Variants in CDHR4 observed in about 807,000 individuals in gnomAD.
The protein encoded by CDHR4 is cadherin related family member 4.
Under a neutral mutation model 88.4 loss-of-function variants are expected in CDHR4, and 89 were observed. The observed-to-expected ratio is 1.01, with a 90% confidence interval of 0.85 to 1.20. The LOEUF is 1.20. CDHR4 is among the 50% of genes most tolerant of loss of function. The probability of loss-of-function intolerance (pLI) is 0.00; values close to 1 mark genes in which losing one functional copy is unlikely to be tolerated. For missense variants in CDHR4, 914 were observed against 1,007.2 expected (o/e 0.91, Z 1.25); for synonymous variants, 368 against 399.2 (o/e 0.92, Z 0.93).
In CDHR4 at chr3:49,793,870, G is replaced by T. The variant is rs2081223283; in HGVS notation, c.1416C>A (p.Tyr472Ter). The change falls in exon 11 of 19, where the codon TAC becomes TAA. Residue 472 changes from tyrosine to a stop codon, truncating the protein, a stop_gained. Coordinates refer to ENST00000412678, the MANE Select transcript of CDHR4 (RefSeq NM_001007540.4). LOFTEE classifies it high-confidence loss of function. ...TGTAGTACTCAATGTTGTCATGAGG[G>T]TAATCCATATCCGTGCCCACCACGG... ...LGSVVGTDMD[Y>*]PHDNIEYYTS... The T allele has an allele frequency of 7.1e-6, 11 of 1,551,766 alleles. No homozygotes were observed. In the East Asian group the frequency reaches 2.0e-4, roughly 28 times the overall value.
rs932849375 is a variant in CDHR4, at chr3:49,792,936, T to TG, written c.1912dup (p.His638ProfsTer100). 9.7e-6 allele frequency: 15 copies of TG among 1,551,124 alleles called. No individual in the cohort carries two copies. The East Asian group carries it at 3.4e-4, about 35-fold the overall frequency. On this transcript the variant is annotated frameshift_variant, in exon 14 of 19. Coordinates refer to ENST00000412678, the MANE Select transcript of CDHR4 (RefSeq NM_001007540.4). LOFTEE classifies it high-confidence loss of function. ...AATAATGGTGGCTGTGGTGCTGAGG[T>TG]GGGGGGTGGAGGGGCCTGCATCGGC...
rs1356653792 is a variant in CDHR4 at position 49,791,736 on chromosome 3, G to C, written c.2261C>G (p.Ala754Gly). 1 of 1,551,672 alleles carries C rather than the reference G, an allele frequency of 6.4e-7. No individual in the cohort carries two copies. ...TACCAGACTCATGACACTGCTGGGTGCCTGGGACATCTCCATCTTCGGTGC... is the reference window on the plus strand; with the variant it reads ...TACCAGACTCATGACACTGCTGGGTCCCTGGGACATCTCCATCTTCGGTGC... ...LEAPKMEMSQ[A>G]PSSVMSLHFD... Residue 754 changes from alanine (A) to glycine (G), a missense_variant, in exon 17 of 19, where the codon GCA becomes GGA. Ala to Gly is a moderately conservative substitution (Grantham distance 60). Coordinates refer to ENST00000412678, the MANE Select transcript of CDHR4 (RefSeq NM_001007540.4).
Position 49,793,606 on chromosome 3 carries a change from A to T in CDHR4, c.1600T>A (p.Cys534Ser), listed in dbSNP as rs2108278699. The T allele has an allele frequency of 6.4e-7, 1 of 1,551,772 alleles. No homozygotes were observed. The highest frequency in any genetic ancestry group is 2.0e-5 in the Admixed American group (1 of 51,010). ...ACCTCAACCTCGATGGTAATGGTAC[A>T]GGAGCCTGAGAGGTGATGGTTGGGG... ...QNPNHHLSGS[C>S]TITIEVEDVN... The change falls in exon 12 of 19, where the codon TGT becomes AGT. Residue 534 changes from cysteine to serine, a missense_variant. By Grantham distance (112) the Cys-to-Ser change is moderately radical. Transcript: ENST00000412678.
Position 49,795,353 on chromosome 3 carries a change from G to C in CDHR4, c.874C>G (p.Pro292Ala). 1 of 1,551,194 alleles carries C rather than the reference G, an allele frequency of 6.4e-7. No individual in the cohort carries two copies. Among genetic ancestry groups the C allele is most frequent in the Non-Finnish European group, 8.7e-7 (1 of 1,146,926 alleles). ...RADGVVRTTT[P>A]LELARTSGTA... ...CCTGAGGTGCGAGCTAACTCTAGGG[G>C]CGTGGTGGTCCGGACCACACCGTCT... The change falls in exon 8 of 19, where the codon CCC becomes GCC. Residue 292 changes from proline to alanine, a missense_variant. Physicochemically the swap from Pro to Ala is conservative, Grantham distance 27. Coordinates refer to ENST00000412678, the MANE Select transcript of CDHR4 (RefSeq NM_001007540.4). The surrounding 1 kb of genome is among the most constrained non-coding windows in gnomAD (Gnocchi z 5.4).
At chr3:49,796,444 C>T (rs1006462326) in intron 5 of CDHR4, among the ~76,000 whole-genome samples, 27 of 152,132 alleles carry the variant, frequency 1.8e-4, no homozygotes, top group African/African-American at 6.3e-4. Flanking sequence ...TCAAGCAATT[C>T]TCCTGCCTCA....
intron 5 of CDHR4, among the ~76,000 whole-genome samples, chr3:49,796,678 A>G (rs1319024845): frequency 1.3e-5 from 2 of 152,022 alleles, no homozygotes; most frequent in Non-Finnish European, 2.9e-5. Context: ...TGCCCTAAAC[A>G]CTTTTCTTTC....
intron 5 of CDHR4, 75 bp from the exon 6 acceptor site, chr3:49,796,121 TA>T (rs2081268297): frequency 3.9e-6 from 4 of 1,032,340 alleles, no homozygotes; most frequent in South Asian, 1.8e-5. Flanking sequence ...GTCCTCCCCT[TA>T]AATAGGCAAC....
rs528608981 is a variant in CDHR4, at chr3:49,796,985, G to A, written c.543C>T (p.Phe181=). The A allele has an allele frequency of 1.8e-4, 284 of 1,551,738 alleles. 4 individuals carry two copies. The South Asian group carries it at 3.2e-3, about 18-fold the overall frequency. Residue 181 remains phenylalanine, a synonymous_variant, in exon 5 of 19, where the codon TTC becomes TTT. Transcript: ENST00000412678. ...GCAGCCAACCTTGCTCATTGATGGAGAAAGGTCCAGGGAAGTGTGGCAGGT... is the reference window on the plus strand; with the variant it reads ...GCAGCCAACCTTGCTCATTGATGGAAAAAGGTCCAGGGAAGTGTGGCAGGT... ...AQDLPHFPGP[F]SINEQGWLQA... is the part of the protein sequence containing the mutation.
chr3:49,792,913 TA>T lies in CDHR4; in HGVS notation c.1935del (p.Ile646LeufsTer4). The T allele has an allele frequency of 1.3e-6, 2 of 1,551,392 alleles. No individual in the cohort carries two copies. The highest frequency in any genetic ancestry group is 1.7e-6 in the Non-Finnish European group (2 of 1,146,854). On this transcript the variant is annotated frameshift_variant, in exon 14 of 19. Transcript: ENST00000412678. LOFTEE classifies it high-confidence loss of function. ...GCCCTCCGGGGAACTAGATGCACAA[TA>T]ATGGTGGCTGTGGTGCTGAGGTGGG... is the stretch of plus-strand genomic sequence containing the variant. Reference protein sequence around the residue: ...STPHLSTTATIIVHLVPRRAS... With the variant: ...STPHLSTTATXIVHLVPRRAS...
intron 5 of CDHR4, 139 bp from the exon 6 acceptor site, chr3:49,796,185 C>G (rs1478970931): frequency 3.4e-6 from 2 of 592,164 alleles, no homozygotes; most frequent in Non-Finnish European, 5.8e-6. Context: ...CCCATGATCC[C>G]CATGACCTGT....
At chr3:49,802,781 C>G (rs1052603694), upstream of CDHR4, among the ~76,000 whole-genome samples, 1 of 152,250 alleles carries the variant, frequency 6.6e-6, no homozygotes, top group African/African-American at 2.4e-5. Context: ...GCTGAGGCCC[C>G]GCCGGTGCGC....
intron 14 of CDHR4, 113 bp from the exon 15 acceptor site, chr3:49,792,723 C>T: frequency 6.8e-7 from 1 of 1,475,960 alleles, no homozygotes; most frequent in Non-Finnish European, 9.1e-7. Flanking sequence ...CTCTTCAACA[C>T]TGCTGGGCTC....
intron 15 of CDHR4, 50 bp from the exon 16 acceptor site, chr3:49,792,009 G>A (rs2081187060): frequency 6.5e-7 from 1 of 1,528,126 alleles, no homozygotes; most frequent in Admixed American, 2.0e-5. Context: ...AGGCCTACTG[G>A]CTCCAGGAAT....
At chr3:49,794,051 C>T (rs1328984791) in intron 10 of CDHR4, 45 bp from the exon 11 acceptor site, 3 of 1,534,200 alleles carry the variant, frequency 2.0e-6, no homozygotes, top group Non-Finnish European at 2.6e-6. Flanking sequence ...GGGTAACTAT[C>T]CCTGAACTGG....
At chr3:49,797,291 T>C (rs2081286510) in intron 4 of CDHR4, among the ~76,000 whole-genome samples, 1 of 151,764 alleles carries the variant, frequency 6.6e-6, no homozygotes, top group South Asian at 2.1e-4. Flanking sequence ...CTTCTTTCTT[T>C]TTTTTGAGAC....
chr3:49,795,930 A>T lies in CDHR4; in HGVS notation c.710+13T>A. On this transcript the variant is annotated intron_variant, in intron 6 of 18. Coordinates refer to ENST00000412678, the MANE Select transcript of CDHR4 (RefSeq NM_001007540.4). The surrounding 1 kb of genome is among the most constrained non-coding windows in gnomAD (Gnocchi z 5.4). ...CCTTCCTCCCTCACTGTTCCAGGGT[A>T]GGGGAGCCTTACAGGAAGGAGACCT... The T allele has an allele frequency of 1.3e-6, 2 of 1,530,062 alleles. No individual in the cohort carries two copies. Among genetic ancestry groups the T allele is most frequent in the Non-Finnish European group, 1.8e-6 (2 of 1,136,648 alleles). The allele number at this position is 1,530,062 out of a possible 1,614,324, so 94.8% of individuals were successfully genotyped here. A position where few individuals can be genotyped will look rare whatever the true frequency, so the allele number is the denominator to read the frequency against.
In CDHR4 at chr3:49,796,932, T is replaced by A; in HGVS notation, c.596A>T (p.Gln199Leu). The A allele has an allele frequency of 6.4e-7, 1 of 1,551,390 alleles. No individual in the cohort carries two copies. Among genetic ancestry groups the A allele is most frequent in the Non-Finnish European group, 8.7e-7 (1 of 1,146,758 alleles). The change falls in exon 5 of 19, where the codon CAG becomes CTG. Residue 199 changes from glutamine to leucine, a missense_variant. By Grantham distance (113) the Gln-to-Leu change is moderately radical (BLOSUM62 -2). Coordinates refer to ENST00000412678, the MANE Select transcript of CDHR4 (RefSeq NM_001007540.4). ...CCAGGTCATGCTCACCTTTTGAGCC[T>A]GGCCTAGGAGGCCCTGGGATGGTGC... ...LQAPSQGLLG[Q>L]AQKVFQLQIS...
chr3:49,796,888 C>T, intron 5 of CDHR4, 34 bp downstream of exon 5: 1 of 1,518,576 alleles, frequency 6.6e-7, no homozygotes, highest in Non-Finnish European at 8.9e-7. Context: ...TCTACCCAAT[C>T]CATAAACACC....
At position 49,796,069 on chromosome 3, in the gene CDHR4, A is replaced by T. The variant is rs769667706; in HGVS notation, c.607-23T>A. The T allele has an allele frequency of 8.1e-6, 12 of 1,476,614 alleles. No homozygotes were observed. The South Asian group carries it at 1.7e-4, about 21-fold the overall frequency. 91.5% of individuals were successfully genotyped at this position (1,476,614 alleles called of 1,614,324 possible). ...GACCTGTGGTGCACCCAGAACAGAA[A>T]AGGAGCCAGATTGTGTGTGTCCACC... is the stretch of plus-strand genomic sequence containing the variant. On this transcript the variant is annotated intron_variant, in intron 5 of 18. Coordinates refer to ENST00000412678, the MANE Select transcript of CDHR4 (RefSeq NM_001007540.4).
Sources: gnomAD v4.1 joint callset for allele counts (sites outside exome capture counted in the v4.1 genomes callset) on GRCh38, gnomAD v4.1.1 for gene constraint, Gnocchi (gnomAD v3.1) non-coding constraint, MANE v1.5 for transcripts, NCBI Gene and HGNC (gene_info 2026-07-23, HGNC 2026-07-21) for gene names.